The following SHROOM3 variants were observed in gnomAD, a reference collection of about 807,000 sequenced individuals.
SHROOM3 encodes the protein shroom family member 3.
Under a neutral mutation model 138.6 loss-of-function variants are expected in SHROOM3, and 47 were observed. That is an observed-to-expected ratio of 0.34 (90% confidence interval 0.27 to 0.43). SHROOM3 has a LOEUF of 0.43. Ranked by LOEUF, SHROOM3 falls within the 20% of genes least tolerant of loss-of-function variation. SHROOM3 has a pLI of 1.00. For missense variants in SHROOM3, 2,491 were observed against 2,596.5 expected (o/e 0.96, Z 0.88); for synonymous variants, 1,062 against 1,063.3 (o/e 1.00, Z 0.02).
chr4:76,480,368 A>C (rs1731580781), intron 1 of SHROOM3, among the ~76,000 whole-genome samples: 1 of 152,222 alleles, frequency 6.6e-6, no homozygotes, highest in Non-Finnish European at 1.5e-5. Flanking sequence ...CAGACTTCAA[A>C]CCAACAAAGA....
At chr4:76,638,423 A>G (rs547260613) in intron 2 of SHROOM3, among the ~76,000 whole-genome samples, 101 of 152,272 alleles carry the variant, frequency 6.6e-4, no homozygotes, top group Non-Finnish European at 1.2e-3. Context: ...GGTGGTGCAC[A>G]TCTGTAGTTC....
At chr4:76,458,747 A>AGTTT (rs1004678483) in intron 1 of SHROOM3, among the ~76,000 whole-genome samples, 2 of 152,100 alleles carry the variant, frequency 1.3e-5, no homozygotes, top group African/African-American at 2.4e-5. Flanking sequence ...CCCTCTTTGT[A>AGTTT]GTTTGTTTGT....
chr4:76,744,648 TAATC>T (rs773453047), intron 5 of SHROOM3, among the ~76,000 whole-genome samples: 55 of 152,244 alleles, frequency 3.6e-4, no homozygotes, highest in Non-Finnish European at 5.7e-4. Context: ...GAAGGTTTGT[TAATC>T]AATCATTTTT....
chr4:76,698,462 C>T (rs531017159), intron 2 of SHROOM3, among the ~76,000 whole-genome samples: 2 of 152,262 alleles, frequency 1.3e-5, no homozygotes, highest in South Asian at 4.1e-4. Context: ...ATGTCCACTC[C>T]TTTAGGCAGG....
chr4:76,779,850 G>T lies in SHROOM3; in HGVS notation c.*673G>T, dbSNP rs1487356448. ...TCCTGTCTTATTTTTACCAACACGA[G>T]CAGGCATTCTGCGCTTCCACTGGAC... On this transcript the variant is annotated 3_prime_UTR_variant, in exon 11 of 11. Coordinates refer to ENST00000296043, the MANE Select transcript of SHROOM3 (RefSeq NM_020859.4). The T allele has an allele frequency of 1.3e-5, 2 of 152,738 alleles. No individual in the cohort carries two copies. The highest frequency in any genetic ancestry group is 4.8e-5 in the African/African-American group (2 of 41,432). The allele number at this position is 152,738 out of a possible 1,614,324, so 9.5% of individuals were successfully genotyped here.
At position 76,740,656 on chromosome 4, in the gene SHROOM3, C is replaced by A. The variant is rs1309597081; in HGVS notation, c.2483C>A (p.Thr828Lys). Reference protein sequence around the residue: ...SSTSGNDFEETKAHIRFSESA... With the variant: ...SSTSGNDFEEKKAHIRFSESA... Reference sequence around the variant, plus strand: ...ACTTCTGGGAATGACTTCGAGGAGACAAAAGCACACATTCGTTTCTCTGAG... The same window carrying A: ...ACTTCTGGGAATGACTTCGAGGAGAAAAAAGCACACATTCGTTTCTCTGAG... Residue 828 changes from threonine to lysine, a missense_variant, in exon 5 of 11, where the codon ACA becomes AAA. This residue lies in a region of SHROOM3 where 1,733 missense variants were observed against 1,661.6 expected (regional missense o/e 1.04). Transcript: ENST00000296043. This position sits in a 1 kb window ranked among gnomAD's most constrained non-coding sequence, Gnocchi z 4.0. The A allele has an allele frequency of 6.2e-7, 1 of 1,614,196 alleles. No homozygotes were observed. Among genetic ancestry groups the A allele is most frequent in the Non-Finnish European group, 8.5e-7 (1 of 1,180,038 alleles).
chr4:76,476,450 T>TTAC (rs2109985020), intron 1 of SHROOM3, among the ~76,000 whole-genome samples: 1 of 152,344 alleles, frequency 6.6e-6, no homozygotes, highest in Non-Finnish European at 1.5e-5. Context: ...GAGCATCAGA[T>TTAC]TACTGCATTT....
intron 1 of SHROOM3, among the ~76,000 whole-genome samples, chr4:76,526,846 T>G (rs57001764): frequency 0.042 from 6,401 of 152,276 alleles, 477 homozygotes; most frequent in African/African-American, 0.14. Flanking sequence ...CTATGACAGA[T>G]CAAACAATCC....
At position 76,436,087 on chromosome 4, in the gene SHROOM3, G is replaced by C. The variant is rs755268458; in HGVS notation, c.35G>C (p.Ser12Thr). Reference sequence around the variant, plus strand: ...ACCACTGAAGACTTCCACAAGCCTAGTGCCACATTAAACTCTAACACGGCC... The same window carrying C: ...ACCACTGAAGACTTCCACAAGCCTACTGCCACATTAAACTCTAACACGGCC... Reference protein sequence around the residue: ...MRTTEDFHKPSATLNSNTATK... With the variant: ...MRTTEDFHKPTATLNSNTATK... The change falls in exon 1 of 11, where the codon AGT (serine) becomes ACT (threonine). Residue 12 changes from serine to threonine, a missense_variant. Transcript: ENST00000296043. 15 of 1,613,910 alleles carry C rather than the reference G, an allele frequency of 9.3e-6. No homozygotes were observed. The highest frequency in any genetic ancestry group is 1.3e-5 in the African/African-American group (1 of 74,898).
intron 2 of SHROOM3, among the ~76,000 whole-genome samples, chr4:76,695,011 T>A (rs2110110016): frequency 6.6e-6 from 1 of 152,340 alleles, no homozygotes; most frequent in Non-Finnish European, 1.5e-5. Context: ...CAACTATCTT[T>A]CCCTTTTAGA....
intron 2 of SHROOM3, among the ~76,000 whole-genome samples, chr4:76,602,973 TGTC>T (rs1240132850): frequency 6.6e-6 from 1 of 152,228 alleles, no homozygotes; most frequent in Non-Finnish European, 1.5e-5. Flanking sequence ...TTATTTTTAT[TGTC>T]ATCATTATTG....
intron 1 of SHROOM3, among the ~76,000 whole-genome samples, chr4:76,533,596 T>C (rs1732877090): frequency 6.6e-6 from 1 of 152,126 alleles, no homozygotes; most frequent in Non-Finnish European, 1.5e-5. Context: ...AGAACACTGA[T>C]GTGGGAAAGC....
intron 2 of SHROOM3, among the ~76,000 whole-genome samples, chr4:76,702,770 C>T (rs1314258363): frequency 6.6e-6 from 1 of 152,136 alleles, no homozygotes; most frequent in African/African-American, 2.4e-5. Flanking sequence ...ATGCACTTGT[C>T]CTGGGCTACT....
intron 1 of SHROOM3, among the ~76,000 whole-genome samples, chr4:76,462,191 C>T (rs530965815): frequency 3.9e-4 from 59 of 152,146 alleles, no homozygotes; most frequent in African/African-American, 1.4e-3. Flanking sequence ...AAGTTCAAGA[C>T]CAGCCTGGCC....
intron 2 of SHROOM3, among the ~76,000 whole-genome samples, chr4:76,569,196 C>T (rs1435901296): frequency 1.3e-5 from 2 of 152,186 alleles, no homozygotes; most frequent in African/African-American, 4.8e-5. Flanking sequence ...TTGGGGCTTA[C>T]GTTTCTCACC....
intron 8 of SHROOM3, among the ~76,000 whole-genome samples, chr4:76,757,659 C>T (rs17324276): frequency 0.041 from 6,317 of 152,266 alleles, 184 homozygotes; most frequent in Middle Eastern, 0.11. Flanking sequence ...TGAGTAGGAG[C>T]GCACTGTCTG....
intron 1 of SHROOM3, among the ~76,000 whole-genome samples, chr4:76,445,445 A>T (rs1730786201): frequency 6.6e-6 from 1 of 152,200 alleles, no homozygotes. Context: ...GAGGTATGCC[A>T]CATGGTGATT....
chr4:76,480,506 C>T (rs535788264), intron 1 of SHROOM3, among the ~76,000 whole-genome samples: 47 of 129,508 alleles, frequency 3.6e-4, no homozygotes, highest in African/African-American at 1.1e-3. Flanking sequence ...TAGAGACCTA[C>T]GAAGAGACTT....
intron 1 of SHROOM3, 149 bp from the exon 2 acceptor site, chr4:76,555,460 C>A: frequency 8.5e-7 from 1 of 1,176,578 alleles, no homozygotes; most frequent in Non-Finnish European, 1.2e-6. Context: ...TGCGCTCTCA[C>A]AGTTTTCCCT....
Sources: gnomAD v4.1 joint callset for allele counts (sites outside exome capture counted in the v4.1 genomes callset) on GRCh38, gnomAD v4.1.1 for gene constraint, gnomAD v4.1.1 regional missense constraint, Gnocchi (gnomAD v3.1) non-coding constraint, MANE v1.5 for transcripts, NCBI Gene and HGNC (gene_info 2026-07-23, HGNC 2026-07-21) for gene names.